Variants in NMNAT3 observed in about 807,000 individuals in gnomAD.
The protein encoded by NMNAT3 is nicotinamide nucleotide adenylyltransferase 3.
Under a neutral mutation model 24.8 loss-of-function variants are expected in NMNAT3, and 21 were observed. The ratio of observed to expected loss-of-function variants is 0.85; its 90% CI spans 0.60 to 1.22. The LOEUF is 1.22. Ranked by LOEUF, NMNAT3 falls within the 50% of genes most tolerant of loss-of-function variation. NMNAT3 has a pLI of 0.00. For missense variants in NMNAT3, 387 were observed against 436.6 expected (o/e 0.89, Z 1.01); for synonymous variants, 136 against 155.2 (o/e 0.88, Z 0.92).
At chr3:139,578,294 A>G (rs1248850088) in intron 5 of NMNAT3, among the ~76,000 whole-genome samples, 1 of 152,204 alleles carries the variant, frequency 6.6e-6, no homozygotes, top group East Asian at 1.9e-4. Context: ...ATCCAGAGTA[A>G]CTGTTTCTAG....
At chr3:139,667,240 C>T (rs2057611974) in intron 1 of NMNAT3, among the ~76,000 whole-genome samples, 1 of 152,082 alleles carries the variant, frequency 6.6e-6, no homozygotes, top group African/African-American at 2.4e-5. Context: ...TAGTAGTGTT[C>T]CTCTTTTTCT....
At chr3:139,586,493 T>G (rs564581469) in intron 3 of NMNAT3, among the ~76,000 whole-genome samples, 17 of 151,856 alleles carry the variant, frequency 1.1e-4, no homozygotes, top group Admixed American at 6.5e-4. Context: ...GCATTTTCCT[T>G]CCATGGTAAT....
chr3:139,580,404 T>G (rs1940008387), intron 4 of NMNAT3, among the ~76,000 whole-genome samples: 2 of 152,214 alleles, frequency 1.3e-5, no homozygotes, highest in African/African-American at 4.8e-5. Context: ...ATTACAGCCA[T>G]GAGCCACCGT....
At chr3:139,583,653 G>C in intron 3 of NMNAT3, 1 of 931,538 alleles carries the variant, frequency 1.1e-6, no homozygotes, top group Non-Finnish European at 1.8e-6. Context: ...TGAAGCTATG[G>C]AAGTAGTTTG....
intron 3 of NMNAT3, among the ~76,000 whole-genome samples, chr3:139,600,774 C>T (rs1376636859): frequency 2.6e-5 from 4 of 152,184 alleles, no homozygotes; most frequent in Non-Finnish European, 4.4e-5. Context: ...GCTGGCAGCA[C>T]CTTCTGTGTG....
chr3:139,621,409 C>G (rs542283722), intron 3 of NMNAT3, among the ~76,000 whole-genome samples: 33 of 152,278 alleles, frequency 2.2e-4, no homozygotes, highest in African/African-American at 7.7e-4. Context: ...CAGGGCTTTG[C>G]TCTGTTGCCT....
intron 5 of NMNAT3, chr3:139,576,316 A>G: frequency 3.3e-6 from 3 of 907,956 alleles, no homozygotes; most frequent in Non-Finnish European, 3.9e-6. Context: ...TTTGGAGATG[A>G]AACTTACTCC....
At chr3:139,573,280 C>A (rs1379634095) in intron 6 of NMNAT3, among the ~76,000 whole-genome samples, 2 of 152,104 alleles carry the variant, frequency 1.3e-5, no homozygotes, top group Non-Finnish European at 2.9e-5. Context: ...TAAAAGAAAC[C>A]CAGCAGCACT....
chr3:139,657,901 T>A (rs898550609), intron 1 of NMNAT3, among the ~76,000 whole-genome samples: 3 of 151,866 alleles, frequency 2.0e-5, no homozygotes, highest in African/African-American at 7.3e-5. Flanking sequence ...AGATATGTCA[T>A]GAGTGTGCTC....
chr3:139,561,126 C>T lies in NMNAT3; in HGVS notation c.925G>A (p.Val309Ile), dbSNP rs563982613. The T allele has an allele frequency of 3.8e-5, 62 of 1,614,136 alleles. No individual in the cohort carries two copies. The Admixed American group carries it at 4.2e-4, about 11-fold the overall frequency. ...ACAGCATCGGGAATCAGGTACTTTACGCTCTGCCCTTGGCCCAAGGCTCGC... is the reference window on the plus strand; with the variant it reads ...ACAGCATCGGGAATCAGGTACTTTATGCTCTGCCCTTGGCCCAAGGCTCGC... The change falls in exon 7 of 7, where the codon GTA becomes ATA. Residue 309 changes from valine (V) to isoleucine (I), a missense_variant. Val to Ile is a conservative substitution (Grantham distance 29, BLOSUM62 3). Coordinates refer to ENST00000643695, the MANE Select transcript of NMNAT3 (RefSeq NM_001320510.2).
intron 1 of NMNAT3, among the ~76,000 whole-genome samples, chr3:139,642,991 G>C (rs553370858): frequency 6.6e-6 from 1 of 152,068 alleles, no homozygotes; most frequent in South Asian, 2.1e-4. Flanking sequence ...CCTATATAAG[G>C]CTGTCCATAA....
intron 3 of NMNAT3, among the ~76,000 whole-genome samples, chr3:139,621,569 G>T (rs899112448): frequency 6.6e-6 from 1 of 152,002 alleles, no homozygotes; most frequent in Non-Finnish European, 1.5e-5. Flanking sequence ...ACAGGGTTTT[G>T]CCATGTTGGC....
intron 1 of NMNAT3, among the ~76,000 whole-genome samples, chr3:139,646,925 T>C (rs914819957): frequency 6.6e-6 from 1 of 152,224 alleles, no homozygotes; most frequent in Non-Finnish European, 1.5e-5. Flanking sequence ...GCCTAAGCAG[T>C]GTGCACTTCT....
chr3:139,670,062 A>G (rs1033265180), intron 1 of NMNAT3, among the ~76,000 whole-genome samples: 1 of 152,186 alleles, frequency 6.6e-6, no homozygotes, highest in African/African-American at 2.4e-5. Flanking sequence ...TTTTCCATCC[A>G]TGATTTTTTT....
chr3:139,662,251 G>C (rs886768950), intron 1 of NMNAT3, among the ~76,000 whole-genome samples: 2 of 152,128 alleles, frequency 1.3e-5, no homozygotes, highest in Non-Finnish European at 2.9e-5. Context: ...TTGTCTAAGA[G>C]GCTGGATCTG....
At chr3:139,675,349 G>T (rs1018780419) in intron 1 of NMNAT3, among the ~76,000 whole-genome samples, 5 of 152,132 alleles carry the variant, frequency 3.3e-5, no homozygotes, top group Admixed American at 1.3e-4. Flanking sequence ...GATGGCAAGG[G>T]TCTGCAAGGT....
chr3:139,623,730 G>A (rs11706141), intron 3 of NMNAT3, among the ~76,000 whole-genome samples: 3 of 152,046 alleles, frequency 2.0e-5, no homozygotes, highest in Non-Finnish European at 2.9e-5. Context: ...TTACAGGTGC[G>A]TGCCACCAGG....
chr3:139,570,965 C>A (rs1405844515), intron 6 of NMNAT3: 2 of 152,706 alleles, frequency 1.3e-5, no homozygotes, highest in African/African-American at 4.8e-5. Context: ...GGCAGGCAGG[C>A]CTCCTTGAGC....
intron 5 of NMNAT3, among the ~76,000 whole-genome samples, chr3:139,577,552 T>TA (rs1939519803): frequency 6.6e-6 from 1 of 152,294 alleles, no homozygotes; most frequent in East Asian, 1.9e-4. Flanking sequence ...GCCTACATAT[T>TA]AAAGCTAAAT....
Sources: gnomAD v4.1 joint callset for allele counts (sites outside exome capture counted in the v4.1 genomes callset) on GRCh38, gnomAD v4.1.1 for gene constraint, MANE v1.5 for transcripts, NCBI Gene and HGNC (gene_info 2026-07-23, HGNC 2026-07-21) for gene names.